Variants in BCAS3 observed in about 807,000 individuals in gnomAD.
The protein encoded by BCAS3 is BCAS4/BCAS3 fusion.
In BCAS3, 53 loss-of-function variants were observed where a neutral mutation model predicts 116.1. The ratio of observed to expected loss-of-function variants is 0.46; its 90% confidence interval spans 0.37 to 0.57. The LOEUF is 0.57. Ranked by LOEUF, BCAS3 falls within the 20% of genes least tolerant of loss-of-function variation. The pLI, the probability that BCAS3 is intolerant of heterozygous loss-of-function variation, is 0.00. For synonymous variants in BCAS3, 391 were observed against 408.2 expected, an observed-to-expected ratio of 0.96 and a Z score of 0.51; for missense variants, 917 against 1,165.4, an observed-to-expected ratio of 0.79 and a Z score of 3.10.
At chr17:61,125,138 C>T (rs575565255) in intron 22 of BCAS3, among the ~76,000 whole-genome samples, 4 of 152,240 alleles carry the variant, frequency 2.6e-5, no homozygotes, top group Non-Finnish European at 5.9e-5. Context: ...TAGAGATTTT[C>T]TAATTTTGGC....
At position 61,126,946 on chromosome 17, in the gene BCAS3, G is replaced by T. The variant is rs1360551739; in HGVS notation, c.2425+42382G>T. Among the ~76,000 whole-genome samples, 1 of 152,030 alleles carries T rather than the reference G, an allele frequency of 6.6e-6. No homozygotes were observed. The highest frequency in any genetic ancestry group is 1.5e-5 in the Non-Finnish European group (1 of 67,994). ...TCTTTCTGGGTTATTTTTCCAAGCG[G>T]GTAGTAGAACGCCCAAGGTTATACA... On this transcript the variant is annotated intron_variant, in intron 22 of 23. Coordinates refer to ENST00000407086, the MANE Select transcript of BCAS3 (RefSeq NM_017679.5). This position sits in a 1 kb window ranked among gnomAD's most constrained non-coding sequence, Gnocchi z 4.6.
Position 61,337,063 on chromosome 17 carries a change from A to G in BCAS3, c.2426-31264A>G, listed in dbSNP as rs12943227. Reference sequence around the variant, plus strand: ...GGGAGGTGGAGGTTGCAGTGAGCCAAGATTGCCTCATTGCACTCCAGCCTG... The same window carrying G: ...GGGAGGTGGAGGTTGCAGTGAGCCAGGATTGCCTCATTGCACTCCAGCCTG... On this transcript the variant is annotated intron_variant, in intron 22 of 23. Coordinates refer to ENST00000407086, the MANE Select transcript of BCAS3 (RefSeq NM_017679.5). The surrounding 1 kb of genome is among the most constrained non-coding windows in gnomAD (Gnocchi z 4.8). Among the ~76,000 whole-genome samples, 78,722 of 151,794 alleles carry G rather than the reference A, an allele frequency of 0.52. 24,496 individuals are homozygous for G. Among genetic ancestry groups the G allele is most frequent in the Non-Finnish European group, 0.7 (47,632 of 67,886 alleles).
rs912558527 is a variant in BCAS3, at chr17:61,208,701, C to T, written c.2425+124137C>T. Among the ~76,000 whole-genome samples, 9 of 152,110 alleles carry T rather than the reference C, an allele frequency of 5.9e-5. No individual in the cohort carries two copies. The highest frequency in any genetic ancestry group is 5.9e-4 in the Admixed American group (9 of 15,268). On this transcript the variant is annotated intron_variant, in intron 22 of 23. Coordinates refer to ENST00000407086, the MANE Select transcript of BCAS3 (RefSeq NM_017679.5). The surrounding 1 kb of genome is among the most constrained non-coding windows in gnomAD (Gnocchi z 4.5). ...GAGAGAGCCTCAGACACATTTTGTT[C>T]CCAAACAGAATTAGAAGGAAAAGGT...
In BCAS3 at chr17:61,304,729, C is replaced by A. The variant is rs530276291; in HGVS notation, c.2426-63598C>A. Among the ~76,000 whole-genome samples, 7 of 152,158 alleles carry A rather than the reference C, an allele frequency of 4.6e-5. No individual in the cohort carries two copies. The South Asian group carries it at 1.5e-3, about 32-fold the overall frequency. On this transcript the variant is annotated intron_variant, in intron 22 of 23. Coordinates refer to ENST00000407086, the MANE Select transcript of BCAS3 (RefSeq NM_017679.5). ...AACATGTCTTTGCAGTTCCCTAATA[C>A]CCTTGAATTCTATTTTCCTTCCCAA... is the stretch of plus-strand genomic sequence containing the variant.
chr17:60,792,104 C>T lies in BCAS3; in HGVS notation c.404-15900C>T, dbSNP rs541059243. On this transcript the variant is annotated intron_variant, in intron 6 of 23. Coordinates refer to ENST00000407086, the MANE Select transcript of BCAS3 (RefSeq NM_017679.5). Reference sequence around the variant, plus strand: ...TGCCACTGTACTCCATCTTGGGCGACGGAGCTAGACTCCATCTCAAAAACA... The same window carrying T: ...TGCCACTGTACTCCATCTTGGGCGATGGAGCTAGACTCCATCTCAAAAACA... Among the ~76,000 whole-genome samples the T allele has an allele frequency of 3.3e-5, 5 of 152,282 alleles. No individual in the cohort carries two copies. In the South Asian group the frequency reaches 6.2e-4, roughly 19 times the overall value.
intron 2 of BCAS3, 54 bp downstream of exon 2, chr17:60,679,594 T>G: frequency 7.1e-7 from 1 of 1,412,068 alleles, no homozygotes; most frequent in African/African-American, 1.4e-5. Flanking sequence ...CTCAGAATAC[T>G]AACATTTAGG....
intron 6 of BCAS3, among the ~76,000 whole-genome samples, chr17:60,766,797 C>T (rs1355563140): frequency 6.6e-6 from 1 of 152,214 alleles, no homozygotes; most frequent in Non-Finnish European, 1.5e-5. Flanking sequence ...TGCTCTGTCC[C>T]CACAGGTGGA....
intron 9 of BCAS3, among the ~76,000 whole-genome samples, chr17:60,875,281 T>C (rs1802572957): frequency 6.6e-6 from 1 of 152,166 alleles, no homozygotes; most frequent in Admixed American, 6.5e-5. Context: ...TTTTGTAAAT[T>C]GATAATATTT....
At chr17:61,351,112 C>T (rs1169784500) in intron 22 of BCAS3, among the ~76,000 whole-genome samples, 1 of 152,208 alleles carries the variant, frequency 6.6e-6, no homozygotes, top group Non-Finnish European at 1.5e-5. Flanking sequence ...AATTATTGGG[C>T]ACCTGTTATG....
At position 61,313,572 on chromosome 17, in the gene BCAS3, A is replaced by G. The variant is rs2054500233; in HGVS notation, c.2426-54755A>G. 6.6e-6 allele frequency among the ~76,000 whole-genome samples: 1 copy of G among 152,118 alleles called. No homozygotes were observed. On this transcript the variant is annotated intron_variant, in intron 22 of 23. Coordinates refer to ENST00000407086, the MANE Select transcript of BCAS3 (RefSeq NM_017679.5). The surrounding 1 kb of genome is among the most constrained non-coding windows in gnomAD (Gnocchi z 4.3). ...GGGATTTGTGTGGGCCAGACAATGTAGGGGATTTATTTCCAAGGCTGGAGG... is the reference window on the plus strand; with the variant it reads ...GGGATTTGTGTGGGCCAGACAATGTGGGGGATTTATTTCCAAGGCTGGAGG...
intron 14 of BCAS3, among the ~76,000 whole-genome samples, chr17:60,963,792 T>C (rs927669700): frequency 1.3e-5 from 2 of 152,284 alleles, no homozygotes; most frequent in Admixed American, 1.3e-4. Flanking sequence ...CCTGACCTCA[T>C]GATCCACCCG....
At chr17:61,232,154 G>C (rs73326888) in intron 22 of BCAS3, among the ~76,000 whole-genome samples, 1 of 131,942 alleles carries the variant, frequency 7.6e-6, no homozygotes, top group Non-Finnish European at 1.6e-5. Context: ...GCAGTGAGCC[G>C]AGATCACACC....
intron 22 of BCAS3, among the ~76,000 whole-genome samples, chr17:61,163,610 T>C (rs898279104): frequency 6.6e-6 from 1 of 152,014 alleles, no homozygotes; most frequent in Non-Finnish European, 1.5e-5. Context: ...TATTTAAAGG[T>C]TTCATTTCAG....
At chr17:60,876,119 A>G (rs529751193) in intron 9 of BCAS3, among the ~76,000 whole-genome samples, 4 of 152,038 alleles carry the variant, frequency 2.6e-5, no homozygotes, top group Admixed American at 2.0e-4. Flanking sequence ...TGATCAATAT[A>G]TGTAAACTTG....
intron 9 of BCAS3, among the ~76,000 whole-genome samples, chr17:60,875,204 A>G (rs1041178101): frequency 1.3e-5 from 2 of 152,168 alleles, no homozygotes; most frequent in East Asian, 1.9e-4. Context: ...AAAATCTTCA[A>G]TACTGTTAAA....
Position 61,380,991 on chromosome 17 carries a change from TCTATTTTTACATCATTA to T in BCAS3, c.2594-10985_2594-10969del, listed in dbSNP as rs1603200095. On this transcript the variant is annotated intron_variant, in intron 23 of 23. Transcript: ENST00000407086. This position sits in a 1 kb window ranked among gnomAD's most constrained non-coding sequence, Gnocchi z 4.2. ...GGCCCCTAGTATAATTGGTGCTGTC[TCTATTTTTACATCATTA>T]GATTAGCCCCGACTCCTGGCCACTT... 6.6e-6 allele frequency among the ~76,000 whole-genome samples: 1 copy of T among 152,356 alleles called. No homozygotes were observed. The highest frequency in any genetic ancestry group is 1.9e-4 in the East Asian group (1 of 5,190).
intron 15 of BCAS3, among the ~76,000 whole-genome samples, chr17:61,014,695 ATC>A: frequency 6.6e-6 from 1 of 152,132 alleles, no homozygotes. Flanking sequence ...AAGTAAAACT[ATC>A]TGTTTTTTGA....
chr17:60,894,343 A>T (rs1017840285), intron 10 of BCAS3, among the ~76,000 whole-genome samples: 1 of 152,020 alleles, frequency 6.6e-6, no homozygotes, highest in African/African-American at 2.4e-5. Flanking sequence ...ACTATTGTAA[A>T]TGTGATTGCC....
At position 61,040,957 on chromosome 17, in the gene BCAS3, G is replaced by A. The variant is rs535238898; in HGVS notation, c.2029+65G>A. The A allele has an allele frequency of 5.5e-5, 76 of 1,385,074 alleles. 1 individual carries two copies. The highest frequency in any genetic ancestry group is 2.7e-4 in the Admixed American group (16 of 58,648). 85.8% of individuals were successfully genotyped at this position (1,385,074 alleles called of 1,614,324 possible). On this transcript the variant is annotated intron_variant, in intron 19 of 23. Transcript: ENST00000407086. ...ATTCAGATTTCATCTTAAAATGCTA[G>A]CTTTGAAAGCAAACATTACCACTGG...
Sources: allele counts gnomAD v4.1 joint callset (sites outside exome capture counted in the v4.1 genomes callset), GRCh38; gene constraint gnomAD v4.1.1; non-coding constraint Gnocchi (gnomAD v3.1); transcripts MANE v1.5; gene names NCBI Gene and HGNC (gene_info 2026-07-23, HGNC 2026-07-21).